Variants in PTPRD observed in about 807,000 individuals in gnomAD.
PTPRD encodes the protein protein tyrosine phosphatase receptor type D.
A neutral mutation model predicts 214.5 loss-of-function variants in PTPRD; 34 were observed. The ratio of observed to expected loss-of-function variants is 0.16; its 90% CI spans 0.12 to 0.21. The LOEUF (loss-of-function observed/expected upper bound fraction) is 0.21. Ranked by LOEUF, PTPRD falls within the 10% of genes least tolerant of loss-of-function variation. The pLI is 1.00. For missense variants in PTPRD, 2,545 were observed against 2,398.7 expected (o/e 1.06, Z -1.27); for synonymous variants, 1,128 against 845.7 (o/e 1.33, Z -5.79).
chr9:8,857,218 T>C (rs2097936800), intron 11 of PTPRD, among the ~76,000 whole-genome samples: 1 of 152,126 alleles, frequency 6.6e-6, no homozygotes, highest in Non-Finnish European at 1.5e-5. Flanking sequence ...CCCCTCACCG[T>C]AGTCAGCCCT....
intron 3 of PTPRD, among the ~76,000 whole-genome samples, chr9:10,206,701 T>A (rs2154338153): frequency 6.6e-6 from 1 of 152,316 alleles, no homozygotes; most frequent in African/African-American, 2.4e-5. Flanking sequence ...TGAATTATAT[T>A]TGTGATATCT....
chr9:9,755,945 A>G (rs1421260557), intron 6 of PTPRD, among the ~76,000 whole-genome samples: 1 of 151,952 alleles, frequency 6.6e-6, no homozygotes, highest in Non-Finnish European at 1.5e-5. Context: ...TAATAATTAT[A>G]TAATCATGAA....
chr9:8,653,925 C>T, intron 12 of PTPRD, among the ~76,000 whole-genome samples: 1 of 152,308 alleles, frequency 6.6e-6, no homozygotes, highest in Admixed American at 6.5e-5. Context: ...ATTGTCCCAT[C>T]TCCCTACATA....
chr9:8,553,194 C>T (rs186942599), intron 14 of PTPRD, among the ~76,000 whole-genome samples: 57 of 152,258 alleles, frequency 3.7e-4, no homozygotes, highest in African/African-American at 1.3e-3. Context: ...CAACTAAACT[C>T]GGATCCCAAA....
intron 2 of PTPRD, among the ~76,000 whole-genome samples, chr9:10,480,883 A>G (rs1439530843): frequency 6.6e-6 from 1 of 152,170 alleles, no homozygotes; most frequent in Non-Finnish European, 1.5e-5. Context: ...CTACTGTAAG[A>G]CACTAGTATT....
chr9:8,632,674 T>C (rs2096289070), intron 14 of PTPRD, among the ~76,000 whole-genome samples: 2 of 151,974 alleles, frequency 1.3e-5, no homozygotes, highest in Admixed American at 1.3e-4. Context: ...GTCTACAAAC[T>C]GAACACACTG....
intron 8 of PTPRD, among the ~76,000 whole-genome samples, chr9:9,476,905 T>A (rs911213159): frequency 6.6e-6 from 1 of 151,846 alleles, no homozygotes; most frequent in African/African-American, 2.4e-5. Context: ...CTGACTAATT[T>A]TGTATTTTCA....
At chr9:10,240,090 C>A (rs2099642516) in intron 3 of PTPRD, among the ~76,000 whole-genome samples, 1 of 151,902 alleles carries the variant, frequency 6.6e-6, no homozygotes, top group Non-Finnish European at 1.5e-5. Flanking sequence ...GTTGTCCCAC[C>A]CAATCTATTA....
At chr9:8,682,039 C>G (rs1205528393) in intron 12 of PTPRD, among the ~76,000 whole-genome samples, 1 of 152,060 alleles carries the variant, frequency 6.6e-6, no homozygotes, top group Non-Finnish European at 1.5e-5. Context: ...TGAAAAATCA[C>G]TTCATAGCCC....
At chr9:9,086,920 G>C (rs2099767895) in intron 10 of PTPRD, among the ~76,000 whole-genome samples, 1 of 152,052 alleles carries the variant, frequency 6.6e-6, no homozygotes, top group Non-Finnish European at 1.5e-5. Context: ...AATAGCAAAA[G>C]CCAAAGAAAC....
At chr9:9,086,517 C>A (rs1177328447) in intron 10 of PTPRD, among the ~76,000 whole-genome samples, 1 of 152,076 alleles carries the variant, frequency 6.6e-6, no homozygotes. Context: ...CTTTATAAAC[C>A]ATTATAAGCC....
intron 11 of PTPRD, among the ~76,000 whole-genome samples, chr9:8,987,595 T>C (rs960228981): frequency 6.6e-6 from 1 of 152,068 alleles, no homozygotes; most frequent in African/African-American, 2.4e-5. Flanking sequence ...TGCTAATGTG[T>C]GAATGCGTTT....
rs372913161 is a variant in PTPRD, at chr9:8,484,386, G to C, written c.3154-8C>G. On this transcript the variant is annotated splice_polypyrimidine_tract_variant and splice_region_variant and intron_variant, in intron 29 of 45. Transcript: ENST00000381196. ...CCCATCATCATAAAGAATCTAAAGA[G>C]ATAAAACCAATAAAAAAAAAATCTG... The C allele has an allele frequency of 3.4e-5, 54 of 1,588,620 alleles. No homozygotes were observed. Among genetic ancestry groups the C allele is most frequent in the African/African-American group, 1.2e-4 (9 of 73,366 alleles).
At chr9:9,719,882 T>C (rs2097905432) in intron 7 of PTPRD, among the ~76,000 whole-genome samples, 1 of 152,196 alleles carries the variant, frequency 6.6e-6, no homozygotes, top group Non-Finnish European at 1.5e-5. Context: ...TCTCTCATGG[T>C]GCTGCCACCT....
chr9:8,410,173 G>T (rs16927827), intron 35 of PTPRD, among the ~76,000 whole-genome samples: 6,500 of 152,286 alleles, frequency 0.043, 217 homozygotes, highest in Non-Finnish European at 0.056. Flanking sequence ...GATGGGAAGG[G>T]CTATATTTTG....
chr9:9,263,562 A>G (rs1184013821), intron 9 of PTPRD, among the ~76,000 whole-genome samples: 3 of 151,710 alleles, frequency 2.0e-5, no homozygotes, highest in Admixed American at 6.6e-5. Context: ...CTTGGTACTT[A>G]GTATGGTGCC....
At chr9:9,769,089 A>C (rs1238705797) in intron 5 of PTPRD, among the ~76,000 whole-genome samples, 1 of 152,182 alleles carries the variant, frequency 6.6e-6, no homozygotes, top group Non-Finnish European at 1.5e-5. Context: ...TATTAGGAGG[A>C]AATAAGACTT....
chr9:9,662,198 T>C (rs1224290459), intron 7 of PTPRD, among the ~76,000 whole-genome samples: 1 of 151,680 alleles, frequency 6.6e-6, no homozygotes, highest in Non-Finnish European at 1.5e-5. Flanking sequence ...TCAGTTCCAG[T>C]ATTTACCTAC....
At chr9:9,130,956 TC>T (rs2099841614) in intron 10 of PTPRD, among the ~76,000 whole-genome samples, 1 of 152,194 alleles carries the variant, frequency 6.6e-6, no homozygotes, top group South Asian at 2.1e-4. Context: ...ACTAATTCTA[TC>T]TTCATTTCCT....
Sources: allele counts gnomAD v4.1 joint callset (sites outside exome capture counted in the v4.1 genomes callset), GRCh38; gene constraint gnomAD v4.1.1; transcripts MANE v1.5; gene names NCBI Gene and HGNC (gene_info 2026-07-23, HGNC 2026-07-21).